The following USP13 variants were observed in gnomAD, a reference collection of about 807,000 sequenced individuals.
USP13 encodes ubiquitin carboxyl-terminal hydrolase 13.
Under a neutral mutation model 107.8 loss-of-function variants are expected in USP13, and 68 were observed. The observed-to-expected ratio is 0.63, with a 90% confidence interval of 0.52 to 0.77. The LOEUF (loss-of-function observed/expected upper bound fraction) is 0.77. USP13 is among the 30% of genes least tolerant of loss of function. The pLI is 0.00. For synonymous variants in USP13, 377 were observed against 389.5 expected, an observed-to-expected ratio of 0.97 and a Z score of 0.38; for missense variants, 945 against 1,093.3, an observed-to-expected ratio of 0.86 and a Z score of 1.91.
intron 8 of USP13, 45 bp from the exon 9 acceptor site, chr3:179,730,144 C>A: frequency 1.3e-6 from 2 of 1,536,712 alleles, no homozygotes; most frequent in Non-Finnish European, 1.8e-6. Context: ...TGGTTCTGTT[C>A]TTCTTGCAGT....
intron 16 of USP13, among the ~76,000 whole-genome samples, chr3:179,759,214 C>A (rs1714919896): frequency 6.6e-6 from 1 of 152,210 alleles, no homozygotes; most frequent in South Asian, 2.1e-4. Flanking sequence ...AACTCCTGAC[C>A]TCGTCATCTG....
chr3:179,762,217 A>C (rs962040573), intron 17 of USP13, among the ~76,000 whole-genome samples: 13 of 152,342 alleles, frequency 8.5e-5, no homozygotes, highest in Admixed American at 6.5e-4. Flanking sequence ...TCTATCACTT[A>C]GCATAGTGCT....
At chr3:179,709,330 C>G (rs1049601396) in intron 6 of USP13, among the ~76,000 whole-genome samples, 30 of 152,138 alleles carry the variant, frequency 2.0e-4, no homozygotes, top group Non-Finnish European at 1.5e-4. Context: ...TGTGCATAAT[C>G]AAGTCTACTG....
chr3:179,657,434 T>C (rs1355623153), intron 1 of USP13, among the ~76,000 whole-genome samples: 1 of 148,260 alleles, frequency 6.7e-6, no homozygotes, highest in East Asian at 2.0e-4. Context: ...AAGGAGGAAA[T>C]AGAGAAGAAT....
intron 1 of USP13, among the ~76,000 whole-genome samples, chr3:179,674,273 G>A (rs1463446339): frequency 6.6e-6 from 1 of 152,180 alleles, no homozygotes; most frequent in African/African-American, 2.4e-5. Flanking sequence ...CCAGGACATA[G>A]ACCAGTTTGG....
intron 8 of USP13, among the ~76,000 whole-genome samples, chr3:179,728,276 C>T (rs1285965818): frequency 6.7e-6 from 1 of 150,106 alleles, no homozygotes; most frequent in Non-Finnish European, 1.5e-5. Context: ...GGGGCAGTTG[C>T]CGGGCGGAGG....
At chr3:179,771,876 A>G (rs1273721701) in intron 19 of USP13, among the ~76,000 whole-genome samples, 2 of 152,240 alleles carry the variant, frequency 1.3e-5, no homozygotes, top group Non-Finnish European at 2.9e-5. Context: ...ATGGCGTCTA[A>G]TTTGTTTAAA....
chr3:179,727,138 T>G (rs1576956095), intron 8 of USP13, among the ~76,000 whole-genome samples: 2 of 151,742 alleles, frequency 1.3e-5, no homozygotes, highest in African/African-American at 4.8e-5. Context: ...TTATTCATTT[T>G]GAGATTATTG....
rs571752929 is a variant in USP13, at chr3:179,752,180, A to T, written c.1710-105A>T. On this transcript the variant is annotated intron_variant, in intron 13 of 20. Transcript: ENST00000263966. ...CATGTTCCTCCTCTTCAGTTCAGCC[A>T]TTGGAATGGCCAGGTGTGCCTCAGA... 27 of 934,618 alleles carry T rather than the reference A, an allele frequency of 2.9e-5. No homozygotes were observed. The East Asian group carries it at 6.0e-4, about 21-fold the overall frequency. 57.9% of individuals were successfully genotyped at this position (934,618 alleles called of 1,614,324 possible).
chr3:179,707,208 A>G (rs1712753063), intron 5 of USP13, 132 bp downstream of exon 5: 2 of 1,218,332 alleles, frequency 1.6e-6, no homozygotes, highest in Non-Finnish European at 2.2e-6. Flanking sequence ...GTAAATATAA[A>G]ACTTCTCTAA....
In USP13 at chr3:179,764,040, G is replaced by C. The variant is rs765899201; in HGVS notation, c.2131G>C (p.Ala711Pro). The change falls in exon 18 of 21, where the codon GCA becomes CCA. Residue 711 changes from alanine (A) to proline (P), a missense_variant. Coordinates refer to ENST00000263966, the MANE Select transcript of USP13 (RefSeq NM_003940.3). ...EPLTMPGYGG[A>P]ASAGASVFGA... is the part of the protein sequence containing the mutation. ...GCTGACCATGCCTGGTTATGGAGGG[G>C]CAGCTTCTGCTGGAGCCTCTGTTTT... The C allele has an allele frequency of 1.1e-5, 17 of 1,613,792 alleles. No homozygotes were observed. The highest frequency in any genetic ancestry group is 1.0e-4 in the Admixed American group (6 of 59,974).
At chr3:179,759,260 C>T (rs1714922043) in intron 16 of USP13, among the ~76,000 whole-genome samples, 2 of 152,152 alleles carry the variant, frequency 1.3e-5, no homozygotes, top group Non-Finnish European at 2.9e-5. Flanking sequence ...GGATTACAGG[C>T]GTGAGCCACC....
intron 6 of USP13, among the ~76,000 whole-genome samples, chr3:179,710,668 C>T (rs4854950): frequency 0.71 from 108,064 of 152,056 alleles, 38,730 homozygotes; most frequent in Admixed American, 0.77. Context: ...TGATATGTTC[C>T]GAGAATGCAT....
intron 1 of USP13, among the ~76,000 whole-genome samples, chr3:179,664,102 C>A (rs1013223674): frequency 6.6e-6 from 1 of 151,520 alleles, no homozygotes; most frequent in Admixed American, 6.6e-5. Context: ...TGCCATTAAG[C>A]CTGCATCTTT....
At chr3:179,677,379 C>T (rs1217135931) in intron 1 of USP13, among the ~76,000 whole-genome samples, 1 of 151,754 alleles carries the variant, frequency 6.6e-6, no homozygotes, top group Non-Finnish European at 1.5e-5. Context: ...TCAGGAATTG[C>T]AGACCAGCCT....
intron 16 of USP13, 62 bp downstream of exon 16, chr3:179,757,140 C>T: frequency 1.3e-6 from 2 of 1,573,294 alleles, no homozygotes; most frequent in African/African-American, 1.4e-5. Context: ...ATGAATTTGT[C>T]TGTGAAAGTT....
intron 6 of USP13, among the ~76,000 whole-genome samples, chr3:179,709,831 G>A (rs1712858638): frequency 6.6e-6 from 1 of 152,104 alleles, no homozygotes; most frequent in African/African-American, 2.4e-5. Flanking sequence ...GTTTTTAGGG[G>A]AAATATAAAA....
intron 4 of USP13, among the ~76,000 whole-genome samples, chr3:179,705,942 C>G (rs543903307): frequency 6.6e-6 from 1 of 152,094 alleles, no homozygotes; most frequent in Non-Finnish European, 1.5e-5. Context: ...AGGCTGGTCT[C>G]GAACTCCTGA....
intron 19 of USP13, among the ~76,000 whole-genome samples, chr3:179,772,824 G>A (rs1200841696): frequency 6.6e-6 from 1 of 152,206 alleles, no homozygotes; most frequent in African/African-American, 2.4e-5. Context: ...TTTGGAGCTG[G>A]CTAGGGTTGG....
Sources: allele counts gnomAD v4.1 joint callset (sites outside exome capture counted in the v4.1 genomes callset), GRCh38; gene constraint gnomAD v4.1.1; transcripts MANE v1.5; gene names NCBI Gene and HGNC (gene_info 2026-07-23, HGNC 2026-07-21).